PPM1D: variants seen among roughly 807,000 people sequenced by gnomAD.
PPM1D encodes the protein protein phosphatase 1D.
Under a neutral mutation model 58.3 loss-of-function variants are expected in PPM1D, and 52 were observed. The observed-to-expected ratio is 0.89, with a 90% confidence interval of 0.71 to 1.12. The LOEUF is 1.12. Ranked by LOEUF, PPM1D falls within the 50% of genes most tolerant of loss-of-function variation. The pLI is 0.00. For missense variants in PPM1D, 564 were observed against 777.2 expected (o/e 0.73, Z 3.26); for synonymous variants, 278 against 285.1 (o/e 0.98, Z 0.25).
At chr17:60,638,592 C>G (rs577969794) in intron 3 of PPM1D, among the ~76,000 whole-genome samples, 1 of 152,116 alleles carries the variant, frequency 6.6e-6, no homozygotes, top group Non-Finnish European at 1.5e-5. Flanking sequence ...TGGTCTCGAA[C>G]TCCTGACCTC....
Position 60,600,765 on chromosome 17 carries a change from G to T in PPM1D, c.351G>T (p.Arg117=). The T allele has an allele frequency of 6.2e-7, 1 of 1,612,432 alleles. No individual in the cohort carries two copies. Among genetic ancestry groups the T allele is most frequent in the South Asian group, 1.1e-5 (1 of 91,080 alleles). ...HGGREAAQFA[R]EHLWGFIKKQ... Reference sequence around the variant, plus strand: ...GGCGGGAGGCGGCACAGTTTGCCCGGGAGCACTTGTGGGGTTTCATCAAGA... The same window carrying T: ...GGCGGGAGGCGGCACAGTTTGCCCGTGAGCACTTGTGGGGTTTCATCAAGA... Residue 117 remains arginine, a synonymous_variant, in exon 1 of 6, where the codon CGG becomes CGT. Transcript: ENST00000305921.
intron 2 of PPM1D, among the ~76,000 whole-genome samples, chr17:60,628,192 T>A (rs1285582476): frequency 6.6e-6 from 1 of 152,186 alleles, no homozygotes; most frequent in Admixed American, 6.5e-5. Flanking sequence ...TTTAAAAAAA[T>A]TAATGACTTT....
At chr17:60,649,986 G>C (rs1229503121) in intron 4 of PPM1D, among the ~76,000 whole-genome samples, 1 of 152,108 alleles carries the variant, frequency 6.6e-6, no homozygotes, top group Non-Finnish European at 1.5e-5. Context: ...TTAATGATCT[G>C]AGAGAGATCA....
chr17:60,632,001 A>G (rs1006049946), intron 2 of PPM1D, among the ~76,000 whole-genome samples: 2 of 151,986 alleles, frequency 1.3e-5, no homozygotes, highest in East Asian at 3.9e-4. Flanking sequence ...ACCTGGTGAA[A>G]CCCCGTGTCT....
chr17:60,641,622 A>G (rs1338227438), intron 3 of PPM1D, among the ~76,000 whole-genome samples: 4 of 152,224 alleles, frequency 2.6e-5, no homozygotes, highest in African/African-American at 9.6e-5. Context: ...TTTTTGTTAC[A>G]GTTGCTTTTG....
At chr17:60,655,395 C>T (rs926868391) in intron 4 of PPM1D, among the ~76,000 whole-genome samples, 12 of 152,232 alleles carry the variant, frequency 7.9e-5, no homozygotes, top group African/African-American at 2.4e-4. Context: ...GTCGCCCAGG[C>T]GGGAGTGCAG....
intron 3 of PPM1D, among the ~76,000 whole-genome samples, chr17:60,642,217 A>G (rs1314850419): frequency 6.6e-6 from 1 of 152,184 alleles, no homozygotes; most frequent in Non-Finnish European, 1.5e-5. Context: ...GTCAGATTCT[A>G]GGGACTTTTA....
rs2030748223 is a variant in PPM1D, at chr17:60,623,612, T to A, written c.564T>A (p.Ala188=). The A allele has an allele frequency of 6.2e-7, 1 of 1,614,160 alleles. No homozygotes were observed. Among genetic ancestry groups the A allele is most frequent in the Middle Eastern group, 1.6e-4 (1 of 6,062 alleles). ...TTCGGGGCATGAAGATGTATGTAGC[T>A]CACGTAGGTGACTCAGGGGTGGTTC... is the stretch of plus-strand genomic sequence containing the variant. ...VIIRGMKMYV[A]HVGDSGVVLG... The change falls in exon 2 of 6, where the codon GCT becomes GCA. Residue 188 remains alanine (A), a synonymous_variant. Transcript: ENST00000305921.
chr17:60,655,506 G>A (rs1368480107), intron 4 of PPM1D, among the ~76,000 whole-genome samples: 1 of 151,914 alleles, frequency 6.6e-6, no homozygotes, highest in Non-Finnish European at 1.5e-5. Context: ...ACACCACCAT[G>A]CCTGACTAAT....
chr17:60,615,675 CTTTT>C (rs746657008), intron 1 of PPM1D, among the ~76,000 whole-genome samples: 1 of 124,822 alleles, frequency 8.0e-6, no homozygotes, highest in Non-Finnish European at 1.7e-5. Context: ...TTTCTTTTTA[CTTTT>C]TTTTTTTTTT....
intron 1 of PPM1D, among the ~76,000 whole-genome samples, chr17:60,613,039 C>T (rs1598400300): frequency 6.6e-6 from 1 of 152,140 alleles, no homozygotes. Flanking sequence ...AATAGGCTTC[C>T]TAACCTATCA....
chr17:60,633,482 C>T (rs958672969), intron 2 of PPM1D, among the ~76,000 whole-genome samples: 3 of 152,096 alleles, frequency 2.0e-5, no homozygotes, highest in African/African-American at 7.2e-5. Context: ...ATTCTCGGCT[C>T]ACTGCAGCCT....
At position 60,645,492 on chromosome 17, in the gene PPM1D, GTA is replaced by G. The variant is rs1555647632; in HGVS notation, c.827-2398_827-2397del. Among the ~76,000 whole-genome samples, 1,092 of 131,952 alleles carry G rather than the reference GTA, an allele frequency of 8.3e-3. 16 individuals are homozygous for G. Among genetic ancestry groups the G allele is most frequent in the East Asian group, 0.042 (173 of 4,082 alleles). The allele number at this position is 131,952 out of a possible 152,430, so 86.6% of individuals were successfully genotyped here. Reference sequence around the variant, plus strand: ...TGTGTGTGTGTGTGTGTGTGTGTGTGTATGTGTATATATATATGTGTATATAT... The same window carrying G: ...TGTGTGTGTGTGTGTGTGTGTGTGTGTGTGTATATATATATGTGTATATAT... On this transcript the variant is annotated intron_variant, in intron 3 of 5. Transcript: ENST00000305921.
intron 1 of PPM1D, among the ~76,000 whole-genome samples, chr17:60,606,173 A>G (rs1032781744): frequency 2.0e-5 from 3 of 152,052 alleles, no homozygotes; most frequent in Admixed American, 2.0e-4. Flanking sequence ...TTTGTGTCTG[A>G]CTTATTTTAC....
chr17:60,623,714 C>G lies in PPM1D; in HGVS notation c.666C>G (p.Pro222=). Residue 222 remains proline (P), a synonymous_variant, in exon 2 of 6, where the codon CCC becomes CCG. Transcript: ENST00000305921. ...EVTQDHKPEL[P]KERERIEGLG... is the part of the protein sequence containing the mutation. ...CACAGGACCATAAGCCAGAACTTCC[C>G]AAGGAAAGAGAACGAATCGAAGGAC... 6.2e-7 allele frequency: 1 copy of G among 1,614,168 alleles called. No individual in the cohort carries two copies. Among genetic ancestry groups the G allele is most frequent in the South Asian group, 1.1e-5 (1 of 91,084 alleles).
At chr17:60,610,939 G>A (rs1412760055) in intron 1 of PPM1D, among the ~76,000 whole-genome samples, 1 of 152,192 alleles carries the variant, frequency 6.6e-6, no homozygotes, top group Non-Finnish European at 1.5e-5. Context: ...ACTTGAAGTG[G>A]TCTGCATTTT....
chr17:60,608,157 T>C (rs927982789), intron 1 of PPM1D, among the ~76,000 whole-genome samples: 12 of 152,254 alleles, frequency 7.9e-5, no homozygotes, highest in Non-Finnish European at 1.8e-4. Flanking sequence ...ATTTATTTTT[T>C]CTATTTTCAT....
chr17:60,604,211 A>G (rs777510057), intron 1 of PPM1D, among the ~76,000 whole-genome samples: 4 of 152,228 alleles, frequency 2.6e-5, no homozygotes, highest in Non-Finnish European at 4.4e-5. Context: ...AATATCACTG[A>G]TCTCATCAGA....
intron 1 of PPM1D, among the ~76,000 whole-genome samples, chr17:60,602,352 A>G (rs952069171): frequency 7.2e-5 from 11 of 152,244 alleles, no homozygotes; most frequent in African/African-American, 2.7e-4. Flanking sequence ...TTGGAGTAAC[A>G]TGAATTTGCC....
Sources: allele counts gnomAD v4.1 joint callset (sites outside exome capture counted in the v4.1 genomes callset), GRCh38; gene constraint gnomAD v4.1.1; transcripts MANE v1.5; gene names NCBI Gene and HGNC (gene_info 2026-07-23, HGNC 2026-07-21).